Variants in ADAMTS17 observed in about 807,000 individuals in gnomAD.
ADAMTS17 encodes the protein A disintegrin and metalloproteinase with thrombospondin motifs 17.
ADAMTS17 carries 113 observed loss-of-function variants against 141.5 expected under a neutral mutation model. That is an observed-to-expected ratio of 0.80 (90% CI 0.69 to 0.93). The LOEUF is 0.93. Among genes scored for constraint, ADAMTS17 ranks in the 40% least tolerant of loss-of-function variants. The pLI is 0.00. For missense variants in ADAMTS17, 1,659 were observed against 1,517.9 expected, an observed-to-expected ratio of 1.09 and a Z score of -1.54; for synonymous variants, 768 against 630.6, an observed-to-expected ratio of 1.22 and a Z score of -3.27.
chr15:99,976,708 T>C (rs1329029732), intron 20 of ADAMTS17: 1 of 239,682 alleles, frequency 4.2e-6, no homozygotes, highest in Admixed American at 5.1e-5. Context: ...CGTGAGAGGA[T>C]ACCGTGGTCT....
chr15:100,152,431 AGT>A (rs751378201), intron 10 of ADAMTS17, among the ~76,000 whole-genome samples, 179 bp downstream of exon 10: 9 of 151,982 alleles, frequency 5.9e-5, no homozygotes, highest in East Asian at 1.9e-4. Flanking sequence ...TGCCTGTGAG[AGT>A]GTGTTTATGC....
intron 15 of ADAMTS17, among the ~76,000 whole-genome samples, chr15:100,088,339 G>C (rs893897876): frequency 6.6e-6 from 1 of 152,056 alleles, no homozygotes; most frequent in Non-Finnish European, 1.5e-5. Flanking sequence ...AAATAAAAGA[G>C]GATACAAACA....
chr15:100,089,495 G>C (rs986646543), intron 15 of ADAMTS17, among the ~76,000 whole-genome samples: 6 of 150,972 alleles, frequency 4.0e-5, no homozygotes, highest in Non-Finnish European at 8.8e-5. Context: ...TATACCCAAA[G>C]GATTATAAAT....
chr15:100,137,322 A>G (rs976104823), intron 10 of ADAMTS17, among the ~76,000 whole-genome samples: 9 of 152,254 alleles, frequency 5.9e-5, no homozygotes, highest in Non-Finnish European at 1.2e-4. Context: ...GAGGCTGTCT[A>G]TATGTACATC....
At chr15:100,267,034 T>C (rs1428797359) in intron 4 of ADAMTS17, among the ~76,000 whole-genome samples, 1 of 152,176 alleles carries the variant, frequency 6.6e-6, no homozygotes, top group East Asian at 1.9e-4. Context: ...TCTCACCCAC[T>C]AGTGCACAAC....
At chr15:99,991,173 G>T (rs182594896) in intron 20 of ADAMTS17, among the ~76,000 whole-genome samples, 3 of 152,272 alleles carry the variant, frequency 2.0e-5, no homozygotes, top group Middle Eastern at 3.4e-3. Context: ...TGACAAATGG[G>T]ATCTAATTAA....
intron 15 of ADAMTS17, among the ~76,000 whole-genome samples, chr15:100,062,801 C>G (rs574584770): frequency 6.6e-6 from 1 of 152,208 alleles, no homozygotes; most frequent in East Asian, 1.9e-4. Context: ...AAGAGGGGTG[C>G]CTGAGGAAGA....
intron 20 of ADAMTS17, among the ~76,000 whole-genome samples, chr15:99,986,344 C>T (rs1208639227): frequency 6.6e-6 from 1 of 152,236 alleles, no homozygotes; most frequent in East Asian, 1.9e-4. Flanking sequence ...TTCTGGGGAG[C>T]ACACAGACAT....
intron 7 of ADAMTS17, among the ~76,000 whole-genome samples, chr15:100,230,337 G>C (rs1596323703): frequency 6.6e-6 from 1 of 152,326 alleles, no homozygotes; most frequent in Non-Finnish European, 1.5e-5. Context: ...CCAGGGCTGA[G>C]GGCAGGCTAG....
intron 7 of ADAMTS17, among the ~76,000 whole-genome samples, chr15:100,213,050 T>C (rs1243221885): frequency 6.6e-6 from 1 of 152,176 alleles, no homozygotes; most frequent in Non-Finnish European, 1.5e-5. Context: ...TTAACATATA[T>C]ATGATTTACA....
chr15:100,278,403 T>A (rs1055083541), intron 4 of ADAMTS17, among the ~76,000 whole-genome samples: 1 of 151,256 alleles, frequency 6.6e-6, no homozygotes, highest in Admixed American at 6.6e-5. Context: ...CCAGAGTTGA[T>A]GACTTTGAAG....
At chr15:100,221,136 C>T (rs527978562) in intron 7 of ADAMTS17, among the ~76,000 whole-genome samples, 2 of 152,068 alleles carry the variant, frequency 1.3e-5, no homozygotes, top group East Asian at 3.9e-4. Flanking sequence ...CGGGCAAACG[C>T]TTATGTGTTT....
At chr15:100,305,999 GC>G (rs2045210259) in intron 3 of ADAMTS17, 1 of 155,598 alleles carries the variant, frequency 6.4e-6, no homozygotes, top group Admixed American at 6.3e-5. Flanking sequence ...TGACACCAAA[GC>G]CTTCTCTAGG....
At chr15:100,268,255 G>T (rs1252209830) in intron 4 of ADAMTS17, among the ~76,000 whole-genome samples, 1 of 152,148 alleles carries the variant, frequency 6.6e-6, no homozygotes, top group Non-Finnish European at 1.5e-5. Context: ...GTGCTGTAAT[G>T]AACATATGCA....
intron 15 of ADAMTS17, among the ~76,000 whole-genome samples, chr15:100,060,375 T>C (rs905522118): frequency 6.6e-6 from 1 of 152,260 alleles, no homozygotes; most frequent in Non-Finnish European, 1.5e-5. Context: ...ATGCAGAACG[T>C]CCATTTCGGT....
At chr15:100,139,278 A>G (rs1490178294) in intron 10 of ADAMTS17, among the ~76,000 whole-genome samples, 4 of 152,240 alleles carry the variant, frequency 2.6e-5, no homozygotes, top group Non-Finnish European at 2.9e-5. Flanking sequence ...TATGTACATA[A>G]GCCTGAGATG....
intron 14 of ADAMTS17, among the ~76,000 whole-genome samples, chr15:100,102,505 C>G (rs1271765200): frequency 1.7e-5 from 2 of 116,102 alleles, no homozygotes; most frequent in South Asian, 6.1e-4. Flanking sequence ...GAGGGCCGAC[C>G]GAAGGGGATC....
At chr15:100,186,503 G>GCGC (rs1277208841) in intron 8 of ADAMTS17, among the ~76,000 whole-genome samples, 2 of 152,158 alleles carry the variant, frequency 1.3e-5, no homozygotes, top group Non-Finnish European at 2.9e-5. Flanking sequence ...TCCCATCTTG[G>GCGC]CGCCATCTCA....
chr15:100,132,109 T>G lies in ADAMTS17; in HGVS notation c.1619A>C (p.Glu540Ala). 12 of 1,614,068 alleles carry G rather than the reference T, an allele frequency of 7.4e-6. No individual in the cohort carries two copies. Among genetic ancestry groups the G allele is most frequent in the Non-Finnish European group, 9.3e-6 (11 of 1,180,016 alleles). Residue 540 changes from glutamate to alanine, a missense_variant, in exon 12 of 22, where the codon GAG (glutamate) becomes GCG (alanine). Transcript: ENST00000268070. ...GECVSKTPIP[E>A]HVDGDWSPWG... ...CGGGCTCCAGTCTCCGTCCACATGC[T>G]CCGGGATGGGCGTCTTGCTCACGCA...
Sources: gnomAD v4.1 joint callset for allele counts (sites outside exome capture counted in the v4.1 genomes callset) on GRCh38, gnomAD v4.1.1 for gene constraint, MANE v1.5 for transcripts, NCBI Gene and HGNC (gene_info 2026-07-23, HGNC 2026-07-21) for gene names.